Variants in SPSB1 observed in about 807,000 individuals in gnomAD.
The protein encoded by SPSB1 is splA/ryanodine receptor domain and SOCS box containing 1.
SPSB1 carries 8 observed loss-of-function variants against 21.2 expected under a neutral mutation model. The ratio of observed to expected loss-of-function variants is 0.38; its 90% confidence interval spans 0.22 to 0.68. SPSB1 has a LOEUF of 0.68. Ranked by LOEUF, SPSB1 falls within the 30% of genes least tolerant of loss-of-function variation. The pLI is 0.53. For synonymous variants in SPSB1, 169 were observed against 161.7 expected, an observed-to-expected ratio of 1.05 and a Z score of -0.34; for missense variants, 242 against 377.8, an observed-to-expected ratio of 0.64 and a Z score of 2.98.
At position 9,306,304 on chromosome 1, in the gene SPSB1, G is replaced by A. The variant is rs1270113319; in HGVS notation, c.-150+13233G>A. On this transcript the variant is annotated intron_variant, in intron 1 of 2. Coordinates refer to ENST00000328089, the MANE Select transcript of SPSB1 (RefSeq NM_025106.4). ...TTTTCTGCTCTGTGGTTTCCACCACGGAGAGCATTTGGAGCACAGCAGAGC... is the reference window on the plus strand; with the variant it reads ...TTTTCTGCTCTGTGGTTTCCACCACAGAGAGCATTTGGAGCACAGCAGAGC... Among the ~76,000 whole-genome samples the A allele has an allele frequency of 2.0e-5, 3 of 152,342 alleles. No homozygotes were observed. In the South Asian group the frequency reaches 6.2e-4, roughly 32 times the overall value.
intron 1 of SPSB1, among the ~76,000 whole-genome samples, chr1:9,303,334 T>C (rs1639364267): frequency 6.6e-6 from 1 of 152,202 alleles, no homozygotes; most frequent in Non-Finnish European, 1.5e-5. Flanking sequence ...CACAGCCAGC[T>C]GAGGTGCTTG....
chr1:9,330,555 G>A (rs1477542254), intron 1 of SPSB1, among the ~76,000 whole-genome samples: 1 of 35,258 alleles, frequency 2.8e-5, no homozygotes, highest in Non-Finnish European at 6.7e-5. Context: ...CATCCTGCCA[G>A]CTGGACCTTG....
At chr1:9,365,383 C>A (rs1216673985) in intron 2 of SPSB1, among the ~76,000 whole-genome samples, 1 of 152,210 alleles carries the variant, frequency 6.6e-6, no homozygotes, top group African/African-American at 2.4e-5. Flanking sequence ...TCCCAAAGTG[C>A]TGGGATTACA....
intron 1 of SPSB1, among the ~76,000 whole-genome samples, chr1:9,326,411 C>T (rs1465177559): frequency 6.6e-6 from 1 of 152,166 alleles, no homozygotes; most frequent in Non-Finnish European, 1.5e-5. Context: ...TGGGTGGTGT[C>T]GGAGGAGTCA....
intron 2 of SPSB1, among the ~76,000 whole-genome samples, chr1:9,357,240 G>A (rs1321419726): frequency 6.6e-6 from 1 of 151,490 alleles, no homozygotes; most frequent in Non-Finnish European, 1.5e-5. Flanking sequence ...TGGATGGATG[G>A]ATAAATGAAC....
chr1:9,325,677 G>A (rs1639806263), intron 1 of SPSB1, among the ~76,000 whole-genome samples: 1 of 152,170 alleles, frequency 6.6e-6, no homozygotes, highest in South Asian at 2.1e-4. Flanking sequence ...TTCTCACAGG[G>A]GACGGGTCTT....
chr1:9,293,042 AGCAGCG>A lies in SPSB1; in HGVS notation c.-176_-171del, dbSNP rs1639146198. ...CGCCCGAGCCTCCTCGGCCTTGGAG[AGCAGCG>A]GCGGCGGCGGCACCCCGGGCGCGGT... On this transcript the variant is annotated 5_prime_UTR_variant, in exon 1 of 3. Coordinates refer to ENST00000328089, the MANE Select transcript of SPSB1 (RefSeq NM_025106.4). The surrounding 1 kb of genome is among the most constrained non-coding windows in gnomAD (Gnocchi z 5.1). The A allele has an allele frequency of 1.0e-6, 1 of 978,230 alleles. No individual in the cohort carries two copies. Among genetic ancestry groups the A allele is most frequent in the African/African-American group, 1.8e-5 (1 of 55,466 alleles). The allele number at this position is 978,230 out of a possible 1,614,324, so 60.6% of individuals were successfully genotyped here.
In SPSB1 at chr1:9,324,992, G is replaced by A. The variant is rs1243490029; in HGVS notation, c.-149-30751G>A. Among the ~76,000 whole-genome samples the A allele has an allele frequency of 6.6e-6, 1 of 152,212 alleles. No individual in the cohort carries two copies. Among genetic ancestry groups the A allele is most frequent in the Non-Finnish European group, 1.5e-5 (1 of 68,018 alleles). ...CCTGTGAGCGGGTCAGTACTGGGTA[G>A]GCAGCCCCATTGGGAGCCACAGCCA... is the stretch of plus-strand genomic sequence containing the variant. On this transcript the variant is annotated intron_variant, in intron 1 of 2. Transcript: ENST00000328089. The surrounding 1 kb of genome is among the most constrained non-coding windows in gnomAD (Gnocchi z 4.3).
At chr1:9,358,012 A>G (rs750032053) in intron 2 of SPSB1, among the ~76,000 whole-genome samples, 38 of 152,150 alleles carry the variant, frequency 2.5e-4, no homozygotes, top group Non-Finnish European at 4.9e-4. Flanking sequence ...AGGCCAGGCA[A>G]GAGGCAGAGG....
chr1:9,338,918 C>G (rs747484754), intron 1 of SPSB1, among the ~76,000 whole-genome samples: 12 of 152,194 alleles, frequency 7.9e-5, no homozygotes, highest in Non-Finnish European at 1.8e-4. Flanking sequence ...CACCCTGGCC[C>G]CATTCTGGAG....
intron 2 of SPSB1, among the ~76,000 whole-genome samples, chr1:9,357,933 CCA>C (rs1354460551): frequency 1.3e-5 from 2 of 152,298 alleles, no homozygotes; most frequent in African/African-American, 4.8e-5. Context: ...AAAGCTCCAT[CCA>C]CCCATGGGTT....
chr1:9,363,526 G>A lies in SPSB1; in HGVS notation c.695-3922G>A, dbSNP rs551452212. On this transcript the variant is annotated intron_variant, in intron 2 of 2. Coordinates refer to ENST00000328089, the MANE Select transcript of SPSB1 (RefSeq NM_025106.4). This position sits in a 1 kb window ranked among gnomAD's most constrained non-coding sequence, Gnocchi z 4.5. ...TCCATGGCTCTCAGACCTTGGACCT[G>A]TAACTCTCACCTCCCCAAGCCCATT... Among the ~76,000 whole-genome samples the A allele has an allele frequency of 1.6e-4, 24 of 152,168 alleles. No homozygotes were observed. The highest frequency in any genetic ancestry group is 2.8e-4 in the Non-Finnish European group (19 of 68,012).
At chr1:9,302,620 C>T (rs985525921) in intron 1 of SPSB1, among the ~76,000 whole-genome samples, 2 of 152,154 alleles carry the variant, frequency 1.3e-5, no homozygotes, top group African/African-American at 2.4e-5. Flanking sequence ...CGAGTGGTCT[C>T]CGGAGTCTTT....
chr1:9,301,327 C>T (rs1412728480), intron 1 of SPSB1, among the ~76,000 whole-genome samples: 8 of 152,076 alleles, frequency 5.3e-5, no homozygotes, highest in Non-Finnish European at 1.0e-4. Flanking sequence ...TCCCCGCCCC[C>T]GCCATCTCTA....
At chr1:9,300,306 C>G (rs546492037) in intron 1 of SPSB1, among the ~76,000 whole-genome samples, 72 of 152,292 alleles carry the variant, frequency 4.7e-4, no homozygotes, top group Admixed American at 3.7e-3. Flanking sequence ...TACTCCAGCC[C>G]ATTTGCTGAG....
At chr1:9,303,923 G>A (rs1243928931) in intron 1 of SPSB1, among the ~76,000 whole-genome samples, 3 of 152,226 alleles carry the variant, frequency 2.0e-5, no homozygotes, top group African/African-American at 7.2e-5. Context: ...TCCCTTTTCT[G>A]CTGACAGGGA....
In SPSB1 at chr1:9,345,585, A is replaced by G. The variant is rs1640156517; in HGVS notation, c.-149-10158A>G. Among the ~76,000 whole-genome samples, 1 of 152,172 alleles carries G rather than the reference A, an allele frequency of 6.6e-6. No individual in the cohort carries two copies. The highest frequency in any genetic ancestry group is 2.1e-4 in the South Asian group (1 of 4,826). On this transcript the variant is annotated intron_variant, in intron 1 of 2. Transcript: ENST00000328089. The surrounding 1 kb of genome is among the most constrained non-coding windows in gnomAD (Gnocchi z 4.8). The stretch of plus-strand genomic sequence containing the variant: ...GTCCGTTGTCCTCGCCACCCTGACT[A>G]AGCTACAGCTGCGATATATTGTAAT...
At chr1:9,364,819 T>C (rs1557468674) in intron 2 of SPSB1, among the ~76,000 whole-genome samples, 1 of 146,472 alleles carries the variant, frequency 6.8e-6, no homozygotes, top group Non-Finnish European at 1.5e-5. Flanking sequence ...TTGGGGTTTT[T>C]TTGTTGTTGT....
At chr1:9,322,815 C>T (rs1639742095) in intron 1 of SPSB1, among the ~76,000 whole-genome samples, 1 of 152,200 alleles carries the variant, frequency 6.6e-6, no homozygotes, top group Admixed American at 6.5e-5. Flanking sequence ...GCAGGCAGCC[C>T]TGACGTGTAG....
Sources: allele counts gnomAD v4.1 joint callset (sites outside exome capture counted in the v4.1 genomes callset), GRCh38; gene constraint gnomAD v4.1.1; non-coding constraint Gnocchi (gnomAD v3.1); transcripts MANE v1.5; gene names NCBI Gene and HGNC (gene_info 2026-07-23, HGNC 2026-07-21).